GTF3C1: variants seen among roughly 807,000 people sequenced by gnomAD.
GTF3C1 encodes general transcription factor IIIC subunit 1, also known as general transcription factor 3C polypeptide 1.
GTF3C1 carries 57 observed loss-of-function variants against 226.7 expected under a neutral mutation model. The observed-to-expected ratio is 0.25, with a 90% CI of 0.20 to 0.31. GTF3C1 has a LOEUF of 0.31. Among genes scored for constraint, GTF3C1 ranks in the 10% least tolerant of loss-of-function variants. The pLI is 1.00. For missense variants in GTF3C1, 2,217 were observed against 2,776.1 expected (o/e 0.80, Z 4.53); for synonymous variants, 1,090 against 1,084.8 (o/e 1.00, Z -0.09).
chr16:27,483,086 A>G lies in GTF3C1; in HGVS notation c.4041T>C (p.Val1347=). The change falls in exon 26 of 37, where the codon GTT becomes GTC. Residue 1347 remains valine, a synonymous_variant. Coordinates refer to ENST00000356183, the MANE Select transcript of GTF3C1 (RefSeq NM_001520.4). The part of the protein sequence containing the change: ...LAEVYQDKAL[V]GDFMNRRGDY... ...CACCTCTTCGATTCATGAAATCTCCAACAAGTGCTTTATCCTGGTACACCT... is the reference window on the plus strand; with the variant it reads ...CACCTCTTCGATTCATGAAATCTCCGACAAGTGCTTTATCCTGGTACACCT... The G allele has an allele frequency of 1.2e-6, 2 of 1,614,164 alleles. No homozygotes were observed. The highest frequency in any genetic ancestry group is 1.7e-6 in the Non-Finnish European group (2 of 1,179,998).
chr16:27,545,304 A>G lies in GTF3C1; in HGVS notation c.431+10T>C. The G allele has an allele frequency of 6.3e-7, 1 of 1,599,512 alleles. No individual in the cohort carries two copies. The highest frequency in any genetic ancestry group is 1.1e-5 in the South Asian group (1 of 90,784). On this transcript the variant is annotated intron_variant, in intron 2 of 36. Coordinates refer to ENST00000356183, the MANE Select transcript of GTF3C1 (RefSeq NM_001520.4). ...ATTCCCAGGAATTTCTGATGGTGCA[A>G]AATAGTTACCTGTCAAAGGCTTCCA...
intron 25 of GTF3C1, 60 bp from the exon 26 acceptor site, chr16:27,483,185 C>T: frequency 1.3e-6 from 2 of 1,496,660 alleles, no homozygotes; most frequent in South Asian, 2.3e-5. Context: ...ATGTTCAGAA[C>T]CTTCAGAGAG....
chr16:27,520,178 G>A (rs1036597050), intron 6 of GTF3C1, among the ~76,000 whole-genome samples: 3 of 152,158 alleles, frequency 2.0e-5, no homozygotes, highest in Non-Finnish European at 2.9e-5. Context: ...GTGCAGTGGC[G>A]TGATCGGCTC....
At position 27,469,526 on chromosome 16, in the gene GTF3C1, C is replaced by T. The variant is rs751472494; in HGVS notation, c.4839G>A (p.Glu1613=). The change falls in exon 32 of 37, where the codon GAG becomes GAA. Residue 1613 remains glutamate, a synonymous_variant. Transcript: ENST00000356183. This position sits in a 1 kb window ranked among gnomAD's most constrained non-coding sequence, Gnocchi z 4.5. ...IKSLGKDGSL[E]DDEDEEDDLD... ...AGTCATCCTCTTCATCCTCGTCATCCTCCAGGCTGCCGTCCTTCCCCAAGC... is the reference window on the plus strand; with the variant it reads ...AGTCATCCTCTTCATCCTCGTCATCTTCCAGGCTGCCGTCCTTCCCCAAGC... 6.2e-7 allele frequency: 1 copy of T among 1,612,190 alleles called. No homozygotes were observed. The highest frequency in any genetic ancestry group is 1.1e-5 in the South Asian group (1 of 91,038).
intron 11 of GTF3C1, among the ~76,000 whole-genome samples, chr16:27,502,538 A>G (rs232073): frequency 0.18 from 26,682 of 152,122 alleles, 2,589 homozygotes; most frequent in African/African-American, 0.25. Context: ...AGCCCTTCTG[A>G]AGCAACCATC....
At chr16:27,529,910 G>C (rs2088889895) in intron 5 of GTF3C1, among the ~76,000 whole-genome samples, 1 of 152,206 alleles carries the variant, frequency 6.6e-6, no homozygotes, top group Non-Finnish European at 1.5e-5. Context: ...TGGTAGTTAA[G>C]AGGAAAGTTA....
chr16:27,481,144 C>A lies in GTF3C1; in HGVS notation c.4131G>T (p.Lys1377Asn). The A allele has an allele frequency of 6.2e-7, 1 of 1,614,222 alleles. No homozygotes were observed. The highest frequency in any genetic ancestry group is 8.5e-7 in the Non-Finnish European group (1 of 1,180,034). Residue 1377 changes from lysine (K) to asparagine (N), a missense_variant, in exon 27 of 37, where the codon AAG becomes AAT. Lys to Asn is a moderately conservative substitution (Grantham distance 94). Transcript: ENST00000356183. ...FKEFVEKLKE[K>N]FSSALRNSNL... ...TAGAATTCCTTAGGGCTGAACTGAA[C>A]TTTTCTTTAAGCTTCTCCACAAATT...
intron 29 of GTF3C1, among the ~76,000 whole-genome samples, chr16:27,475,849 C>T (rs1350601024): frequency 2.0e-5 from 3 of 152,172 alleles, no homozygotes; most frequent in South Asian, 2.1e-4. Context: ...AAAGCTATGC[C>T]GTATAGCTCA....
rs1426095725 is a variant in GTF3C1 at position 27,485,979 on chromosome 16, G to T, written c.3858+18C>A. The stretch of plus-strand genomic sequence containing the variant: ...CGAGTGAGGGGCAGGCCCACCGCTG[G>T]GCTGGGCTGGTTGGTACCTTGGTGT... On this transcript the variant is annotated intron_variant, in intron 24 of 36. Coordinates refer to ENST00000356183, the MANE Select transcript of GTF3C1 (RefSeq NM_001520.4). 1.3e-6 allele frequency: 2 copies of T among 1,564,226 alleles called. No homozygotes were observed. The highest frequency in any genetic ancestry group is 1.4e-5 in the African/African-American group (1 of 73,394).
intron 14 of GTF3C1, among the ~76,000 whole-genome samples, chr16:27,497,201 G>C (rs1187961955): frequency 6.6e-6 from 1 of 152,178 alleles, no homozygotes; most frequent in Non-Finnish European, 1.5e-5. Flanking sequence ...TTAGAAATGA[G>C]GGATGAGGGA....
At chr16:27,509,206 T>C (rs2141407041) in intron 7 of GTF3C1, among the ~76,000 whole-genome samples, 1 of 152,114 alleles carries the variant, frequency 6.6e-6, no homozygotes, top group East Asian at 1.9e-4. Flanking sequence ...AGCCCTGGAG[T>C]AAATGACTCG....
At chr16:27,494,148 T>A (rs1464874088) in intron 16 of GTF3C1, among the ~76,000 whole-genome samples, 1 of 152,134 alleles carries the variant, frequency 6.6e-6, no homozygotes, top group Non-Finnish European at 1.5e-5. Context: ...ACGCCTGTAA[T>A]CCCAGCACTT....
In GTF3C1 at chr16:27,537,885, G is replaced by A; in HGVS notation, c.651C>T (p.Asn217=). 2 of 1,613,950 alleles carry A rather than the reference G, an allele frequency of 1.2e-6. No homozygotes were observed. Among genetic ancestry groups the A allele is most frequent in the South Asian group, 2.2e-5 (2 of 91,068 alleles). ...ACTGCATTGTAATCAGCCCGTTTTTGTTCAAAATTTTTCTGTGATAGTGCA... is the reference window on the plus strand; with the variant it reads ...ACTGCATTGTAATCAGCCCGTTTTTATTCAAAATTTTTCTGTGATAGTGCA... ...GKLHYHRKIL[N]KNGLITMQSH... The change falls in exon 4 of 37, where the codon AAC becomes AAT. Residue 217 remains asparagine, a synonymous_variant. Coordinates refer to ENST00000356183, the MANE Select transcript of GTF3C1 (RefSeq NM_001520.4).
chr16:27,520,253 T>C (rs374714833), intron 6 of GTF3C1, among the ~76,000 whole-genome samples: 1 of 152,188 alleles, frequency 6.6e-6, no homozygotes, highest in Non-Finnish European at 1.5e-5. Context: ...TAGCTGGGAT[T>C]ACAGGCGTGC....
chr16:27,462,683 G>A lies in GTF3C1; in HGVS notation c.5925-197C>T, dbSNP rs1315447485. The A allele has an allele frequency of 5.2e-6, 3 of 574,774 alleles. No individual in the cohort carries two copies. The highest frequency in any genetic ancestry group is 9.3e-6 in the Non-Finnish European group (3 of 321,046). 35.6% of individuals were successfully genotyped at this position (574,774 alleles called of 1,614,324 possible). ...AGGGGCCCTTGACCGCCAGCTGGGT[G>A]GAACCAGGACGTGGTGTCCGCTCTG... On this transcript the variant is annotated intron_variant, in intron 35 of 36. Transcript: ENST00000356183. The surrounding 1 kb of genome is among the most constrained non-coding windows in gnomAD (Gnocchi z 4.5).
At chr16:27,468,354 C>T (rs2087814529) in intron 32 of GTF3C1, among the ~76,000 whole-genome samples, 1 of 152,244 alleles carries the variant, frequency 6.6e-6, no homozygotes, top group Non-Finnish European at 1.5e-5. Flanking sequence ...CATGGTAGCT[C>T]ATGCCTGTTG....
chr16:27,466,787 T>C (rs939542447), intron 32 of GTF3C1, among the ~76,000 whole-genome samples: 6 of 152,348 alleles, frequency 3.9e-5, no homozygotes, highest in African/African-American at 1.4e-4. Context: ...GCCTTGTTGC[T>C]GACATGGAGA....
intron 1 of GTF3C1, 76 bp downstream of exon 1, chr16:27,549,594 C>T (rs2089243137): frequency 1.3e-5 from 10 of 790,240 alleles, no homozygotes; most frequent in Admixed American, 2.5e-5. Context: ...TCCATTCCCC[C>T]GCCCTGCCCC....
chr16:27,538,614 G>A (rs768664028), intron 2 of GTF3C1, among the ~76,000 whole-genome samples: 6 of 152,124 alleles, frequency 3.9e-5, no homozygotes, highest in South Asian at 2.1e-4. Flanking sequence ...TTCAGGGCTC[G>A]CCAAGGCGCT....
Sources: allele counts gnomAD v4.1 joint callset (sites outside exome capture counted in the v4.1 genomes callset), GRCh38; gene constraint gnomAD v4.1.1; non-coding constraint Gnocchi (gnomAD v3.1); transcripts MANE v1.5; gene names NCBI Gene and HGNC (gene_info 2026-07-23, HGNC 2026-07-21).